SMURF1: variants seen among roughly 807,000 people sequenced by gnomAD.
The protein encoded by SMURF1 is SMAD specific E3 ubiquitin protein ligase 1.
Under a neutral mutation model 98.0 loss-of-function variants are expected in SMURF1, and 44 were observed. That is an observed-to-expected ratio of 0.45 (90% confidence interval 0.35 to 0.58). SMURF1 has a LOEUF of 0.58. SMURF1 is among the 20% of genes least tolerant of loss of function. The pLI is 0.00. For missense variants in SMURF1, 687 were observed against 938.4 expected, an observed-to-expected ratio of 0.73 and a Z score of 3.50; for synonymous variants, 396 against 374.9, an observed-to-expected ratio of 1.06 and a Z score of -0.65.
intron 1 of SMURF1, among the ~76,000 whole-genome samples, chr7:99,114,817 T>A (rs1797402610): frequency 6.6e-6 from 1 of 152,010 alleles, no homozygotes; most frequent in Non-Finnish European, 1.5e-5. Flanking sequence ...GCATCCATAC[T>A]GGAATAAAAT....
intron 1 of SMURF1, among the ~76,000 whole-genome samples, chr7:99,094,035 T>A (rs1326029745): frequency 2.0e-5 from 3 of 152,172 alleles, no homozygotes. Context: ...TGAAACTGTA[T>A]TTGTGTGTGT....
chr7:99,101,443 T>C lies in SMURF1; in HGVS notation c.56-39606A>G, dbSNP rs531254397. On this transcript the variant is annotated intron_variant, in intron 1 of 17. Transcript: ENST00000361368. The stretch of plus-strand genomic sequence containing the variant: ...GTTTCTACTAATTTTAAAACTGAGC[T>C]ACAGTGTTCCTGGCTCATATTTGGA... Among the ~76,000 whole-genome samples, 5 of 152,332 alleles carry C rather than the reference T, an allele frequency of 3.3e-5. No individual in the cohort carries two copies. The East Asian group carries it at 9.6e-4, about 29-fold the overall frequency.
chr7:99,030,638 G>A lies in SMURF1; in HGVS notation c.2142C>T (p.Leu714=). Residue 714 remains leucine (L), a synonymous_variant, in exon 18 of 18, where the codon CTC becomes CTT. Coordinates refer to ENST00000361368, the MANE Select transcript of SMURF1 (RefSeq NM_181349.3). ...CCACGGCTGTCAGCAGCTTCTCGTA[G>A]AGCTTCTCATAGGACTCATATGGTG... The part of the protein sequence containing the change: ...DIPPYESYEK[L]YEKLLTAVEE... 1 of 1,614,174 alleles carries A rather than the reference G, an allele frequency of 6.2e-7. No individual in the cohort carries two copies. Among genetic ancestry groups the A allele is most frequent in the Non-Finnish European group, 8.5e-7 (1 of 1,180,032 alleles).
chr7:99,051,095 GATC>G, intron 8 of SMURF1: 1 of 1,123,174 alleles, frequency 8.9e-7, no homozygotes. Flanking sequence ...AAAAGTTAGT[GATC>G]ATAAGGAATT....
chr7:99,034,677 A>AGGC (rs1584440385), intron 16 of SMURF1, among the ~76,000 whole-genome samples: 1 of 152,282 alleles, frequency 6.6e-6, no homozygotes, highest in Non-Finnish European at 1.5e-5. Flanking sequence ...TGTCATGGTC[A>AGGC]GGCAGACAGA....
chr7:99,111,345 T>C (rs1797319552), intron 1 of SMURF1, among the ~76,000 whole-genome samples: 1 of 152,224 alleles, frequency 6.6e-6, no homozygotes, highest in Non-Finnish European at 1.5e-5. Context: ...CTAAGTAGTG[T>C]TGATGATGGT....
intron 1 of SMURF1, among the ~76,000 whole-genome samples, chr7:99,075,648 C>T (rs951527403): frequency 1.3e-5 from 2 of 151,708 alleles, no homozygotes; most frequent in African/African-American, 4.8e-5. Flanking sequence ...AAAAAAAAAC[C>T]CACACATTAG....
At chr7:99,069,049 G>A (rs778612855) in intron 1 of SMURF1, among the ~76,000 whole-genome samples, 39 of 152,252 alleles carry the variant, frequency 2.6e-4, no homozygotes, top group Middle Eastern at 3.4e-3. Flanking sequence ...GCTGTTCTTT[G>A]TTGTGATGTT....
At chr7:99,061,893 G>T in intron 1 of SMURF1, 56 bp from the exon 2 acceptor site, 2 of 1,327,740 alleles carry the variant, frequency 1.5e-6, no homozygotes, top group Non-Finnish European at 2.1e-6. Flanking sequence ...TTCCATAATA[G>T]CTAATCTATA....
At chr7:99,042,381 GT>G in intron 11 of SMURF1, 149 bp from the exon 12 acceptor site, 1 of 580,300 alleles carries the variant, frequency 1.7e-6, no homozygotes, top group Non-Finnish European at 3.0e-6. Context: ...CCTGGTCCAA[GT>G]GATTTTCCTG....
intron 5 of SMURF1, among the ~76,000 whole-genome samples, chr7:99,055,126 A>G (rs1795849559): frequency 6.6e-6 from 1 of 152,148 alleles, no homozygotes; most frequent in Non-Finnish European, 1.5e-5. Context: ...ATAACAATGT[A>G]ATATTCAGTC....
intron 3 of SMURF1, 74 bp downstream of exon 3, chr7:99,060,525 T>C (rs1489273973): frequency 1.0e-6 from 1 of 980,380 alleles, no homozygotes; most frequent in East Asian, 2.7e-5. Context: ...TTTTTTCTCT[T>C]GGATGTTTCT....
intron 1 of SMURF1, among the ~76,000 whole-genome samples, chr7:99,062,492 T>TA (rs907420324): frequency 2.8e-4 from 43 of 150,982 alleles, no homozygotes; most frequent in Admixed American, 4.6e-4. Context: ...GGGAAGGTGG[T>TA]AAAAAAAAAT....
chr7:99,119,937 A>G (rs139855162), intron 1 of SMURF1, among the ~76,000 whole-genome samples: 21 of 152,268 alleles, frequency 1.4e-4, no homozygotes, highest in African/African-American at 2.2e-4. Context: ...TACGGTTTGG[A>G]TATGTGTCCT....
chr7:99,068,017 T>C (rs1055864038), intron 1 of SMURF1, among the ~76,000 whole-genome samples: 1 of 152,210 alleles, frequency 6.6e-6, no homozygotes, highest in Non-Finnish European at 1.5e-5. Context: ...AAAAACTTAG[T>C]ACTTTATTCA....
At chr7:99,078,500 AC>A (rs907928292) in intron 1 of SMURF1, among the ~76,000 whole-genome samples, 12 of 151,620 alleles carry the variant, frequency 7.9e-5, no homozygotes, top group South Asian at 2.1e-4. Flanking sequence ...GGGGTCCTCA[AC>A]CCCCCCTCCC....
At chr7:99,078,450 C>CATATACACAGCT (rs1796511089) in intron 1 of SMURF1, among the ~76,000 whole-genome samples, 1 of 152,154 alleles carries the variant, frequency 6.6e-6, no homozygotes, top group Non-Finnish European at 1.5e-5. Flanking sequence ...TTAAGATAAA[C>CATATACACAGCT]ATATACACAG....
At chr7:99,118,293 C>G (rs1465698744) in intron 1 of SMURF1, among the ~76,000 whole-genome samples, 4 of 152,146 alleles carry the variant, frequency 2.6e-5, no homozygotes, top group African/African-American at 9.7e-5. Flanking sequence ...CATTTCCATT[C>G]TTAGGTACAT....
intron 12 of SMURF1, 88 bp from the exon 13 acceptor site, chr7:99,040,644 A>T (rs1261586621): frequency 8.0e-7 from 1 of 1,254,732 alleles, no homozygotes; most frequent in East Asian, 3.0e-5. Context: ...TCTTGGGAAA[A>T]GTGTCCCAGA....
Sources: allele counts gnomAD v4.1 joint callset (sites outside exome capture counted in the v4.1 genomes callset), GRCh38; gene constraint gnomAD v4.1.1; transcripts MANE v1.5; gene names NCBI Gene and HGNC (gene_info 2026-07-23, HGNC 2026-07-21).